The following ZMYM2 variants were observed in gnomAD, a reference collection of about 807,000 sequenced individuals.
ZMYM2 encodes zinc finger MYM-type protein 2.
Under a neutral mutation model 162.8 loss-of-function variants are expected in ZMYM2, and 56 were observed. That is an observed-to-expected ratio of 0.34 (90% CI 0.28 to 0.43). The LOEUF (loss-of-function observed/expected upper bound fraction) is 0.43, where lower values mean the gene tolerates loss of function less well. Ranked by LOEUF, ZMYM2 falls within the 20% of genes least tolerant of loss-of-function variation. The pLI is 1.00. For missense variants in ZMYM2, 1,275 were observed against 1,621.8 expected (o/e 0.79, Z 3.67); for synonymous variants, 510 against 541.6 (o/e 0.94, Z 0.81).
intron 6 of ZMYM2, among the ~76,000 whole-genome samples, chr13:20,012,806 C>T (rs563825466): frequency 6.6e-6 from 1 of 152,200 alleles, no homozygotes; most frequent in African/African-American, 2.4e-5. Context: ...TTTCTATGTT[C>T]CACTGATCTA....
chr13:20,046,401 A>T (rs1954783857), intron 12 of ZMYM2, among the ~76,000 whole-genome samples: 1 of 151,672 alleles, frequency 6.6e-6, no homozygotes, highest in South Asian at 2.1e-4. Context: ...AAAAATAAAA[A>T]AAATTAGCCA....
intron 10 of ZMYM2, among the ~76,000 whole-genome samples, chr13:20,033,267 A>G (rs967240306): frequency 2.6e-5 from 4 of 151,940 alleles, no homozygotes; most frequent in Non-Finnish European, 5.9e-5. Context: ...ATTTATGTCA[A>G]TGCTACTCCA....
intron 7 of ZMYM2, among the ~76,000 whole-genome samples, chr13:20,023,378 A>G (rs895151783): frequency 3.3e-5 from 5 of 152,188 alleles, no homozygotes; most frequent in African/African-American, 1.2e-4. Context: ...CATGTGGTCT[A>G]CTTGATTGGT....
chr13:19,977,595 C>T (rs1344650669), intron 2 of ZMYM2, among the ~76,000 whole-genome samples: 10 of 148,030 alleles, frequency 6.8e-5, no homozygotes, highest in Non-Finnish European at 1.3e-4. Context: ...CGGGTTCACG[C>T]CATTCTCCTG....
the ZMYM2 span, among the ~76,000 whole-genome samples, chr13:19,899,836 A>AAAAAAG: frequency 2.4e-3 from 292 of 120,838 alleles, 2 homozygotes; most frequent in African/African-American, 4.2e-3. Flanking sequence ...AAAAAAAAAA[A>AAAAAAG]AAGGAAAACA....
chr13:19,900,218 G>A, the ZMYM2 span, among the ~76,000 whole-genome samples: 1 of 152,088 alleles, frequency 6.6e-6, no homozygotes, highest in Non-Finnish European at 1.5e-5. Context: ...AGAATCACTT[G>A]AACCCAGGAG....
At chr13:20,048,812 T>A (rs1392484056) in intron 12 of ZMYM2, among the ~76,000 whole-genome samples, 1 of 151,766 alleles carries the variant, frequency 6.6e-6, no homozygotes, top group East Asian at 1.9e-4. Flanking sequence ...TTGTTTTTTT[T>A]TTTTTTTCCC....
chr13:19,882,691 G>A, the ZMYM2 span, among the ~76,000 whole-genome samples: 2 of 152,122 alleles, frequency 1.3e-5, no homozygotes, highest in African/African-American at 4.8e-5. Flanking sequence ...AAACTGTAGT[G>A]AGCTGTGATT....
the ZMYM2 span, among the ~76,000 whole-genome samples, chr13:19,928,331 A>G: frequency 1.3e-5 from 2 of 152,084 alleles, no homozygotes; most frequent in Non-Finnish European, 2.9e-5. Flanking sequence ...TTGTAGGAAT[A>G]TTTAAAATGC....
At chr13:19,877,223 A>AC in the ZMYM2 span, among the ~76,000 whole-genome samples, 7 of 121,246 alleles carry the variant, frequency 5.8e-5, no homozygotes, top group Non-Finnish European at 9.5e-5. Flanking sequence ...AAAAAAAAAA[A>AC]AAAAACAAAG....
intron 12 of ZMYM2, among the ~76,000 whole-genome samples, chr13:20,038,253 T>C (rs916732830): frequency 3.3e-5 from 5 of 152,148 alleles, no homozygotes; most frequent in African/African-American, 9.7e-5. Flanking sequence ...AATGAACATA[T>C]GTGTGCATGC....
intron 24 of ZMYM2, 34 bp from the exon 25 acceptor site, chr13:20,085,788 T>G: frequency 1.3e-6 from 2 of 1,560,554 alleles, no homozygotes; most frequent in Non-Finnish European, 1.7e-6. Flanking sequence ...TTTTGTGAAA[T>G]TGACTTTTTC....
chr13:20,005,604 T>C (rs541212611), intron 5 of ZMYM2, among the ~76,000 whole-genome samples: 5 of 152,330 alleles, frequency 3.3e-5, no homozygotes, highest in African/African-American at 4.8e-5. Flanking sequence ...ATAATTTTGC[T>C]GAGAAGTAGA....
chr13:19,952,830 A>G, the ZMYM2 span, among the ~76,000 whole-genome samples: 1 of 152,218 alleles, frequency 6.6e-6, no homozygotes, highest in South Asian at 2.1e-4. Context: ...CTGAGGCTCA[A>G]AAAGTGGAGG....
Position 19,982,798 on chromosome 13 carries a change from A to G in ZMYM2, c.-10-10265A>G, listed in dbSNP as rs943434164. Among the ~76,000 whole-genome samples the G allele has an allele frequency of 3.9e-5, 6 of 152,252 alleles. No homozygotes were observed. The South Asian group carries it at 1.0e-3, about 26-fold the overall frequency. ...CATTTCAAAACTTTGCTTCCTGTGGATTCAGTGTTTACCTTTTTCAGGCCT... is the reference window on the plus strand; with the variant it reads ...CATTTCAAAACTTTGCTTCCTGTGGGTTCAGTGTTTACCTTTTTCAGGCCT... On this transcript the variant is annotated intron_variant, in intron 2 of 24. Transcript: ENST00000610343.
intron 2 of ZMYM2, among the ~76,000 whole-genome samples, chr13:19,986,189 T>C (rs1419996837): frequency 6.8e-6 from 1 of 147,342 alleles, no homozygotes; most frequent in Non-Finnish European, 1.5e-5. Context: ...AGAGCCAGAC[T>C]CTCTCAAAAA....
chr13:19,998,168 T>C (rs1950156305), intron 3 of ZMYM2, among the ~76,000 whole-genome samples: 2 of 152,202 alleles, frequency 1.3e-5, no homozygotes, highest in African/African-American at 4.8e-5. Flanking sequence ...GCTATTTATA[T>C]TGGTTCTTGG....
the ZMYM2 span, among the ~76,000 whole-genome samples, chr13:19,872,683 G>C: frequency 1.3e-5 from 2 of 152,234 alleles, no homozygotes; most frequent in Middle Eastern, 3.4e-3. Flanking sequence ...GATTGCTAAC[G>C]TTTTGTTACA....
chr13:19,866,020 T>C, the ZMYM2 span, among the ~76,000 whole-genome samples: 1 of 149,442 alleles, frequency 6.7e-6, no homozygotes. Context: ...ACTTTTATCA[T>C]TTAAAAAATG....
Sources: allele counts gnomAD v4.1 joint callset (sites outside exome capture counted in the v4.1 genomes callset), GRCh38; gene constraint gnomAD v4.1.1; transcripts MANE v1.5; gene names NCBI Gene and HGNC (gene_info 2026-07-23, HGNC 2026-07-21).